The following KIAA1217 variants were observed in gnomAD, a reference collection of about 807,000 sequenced individuals.
The protein encoded by KIAA1217 is sickle tail protein homolog.
In KIAA1217, 88 loss-of-function variants were observed where a neutral mutation model predicts 163.9. The ratio of observed to expected loss-of-function variants is 0.54; its 90% CI spans 0.45 to 0.64. The LOEUF is 0.64. Ranked by LOEUF, KIAA1217 falls within the 30% of genes least tolerant of loss-of-function variation. The probability of loss-of-function intolerance (pLI) is 0.00; values close to 1 mark genes in which losing one functional copy is unlikely to be tolerated. For synonymous variants in KIAA1217, 903 were observed against 923.1 expected (o/e 0.98, Z 0.39); for missense variants, 2,372 against 2,475.0 (o/e 0.96, Z 0.88).
intron 2 of KIAA1217, among the ~76,000 whole-genome samples, chr10:24,194,460 T>C (rs1395489605): frequency 1.3e-5 from 2 of 150,292 alleles, no homozygotes; most frequent in African/African-American, 4.9e-5. Flanking sequence ...TCACTGGGAC[T>C]ACGGACACTT....
intron 1 of KIAA1217, among the ~76,000 whole-genome samples, chr10:23,736,497 A>G (rs1838812147): frequency 6.6e-6 from 1 of 152,124 alleles, no homozygotes; most frequent in Non-Finnish European, 1.5e-5. Flanking sequence ...ATGGTAATTA[A>G]TCACTACACC....
At chr10:24,074,431 T>C (rs534237732) in intron 2 of KIAA1217, among the ~76,000 whole-genome samples, 19 of 152,278 alleles carry the variant, frequency 1.2e-4, no homozygotes, top group African/African-American at 4.3e-4. Flanking sequence ...GCAGACATTT[T>C]CATTTTCTGT....
intron 1 of KIAA1217, among the ~76,000 whole-genome samples, chr10:23,744,221 G>T (rs1173643941): frequency 6.6e-6 from 1 of 152,194 alleles, no homozygotes; most frequent in Non-Finnish European, 1.5e-5. Flanking sequence ...GAGCTACTAG[G>T]TAGCCTGTTG....
chr10:24,228,199 C>T (rs184084897), intron 2 of KIAA1217, among the ~76,000 whole-genome samples: 1 of 152,092 alleles, frequency 6.6e-6, no homozygotes, highest in East Asian at 1.9e-4. Context: ...GAGATCAAGG[C>T]TGCAGTGAGC....
At chr10:24,340,474 GTA>G (rs1228913523) in intron 2 of KIAA1217, among the ~76,000 whole-genome samples, 32 of 152,164 alleles carry the variant, frequency 2.1e-4, no homozygotes, top group African/African-American at 7.5e-4. Context: ...CCACTTGGAA[GTA>G]TGAGTCCATT....
intron 1 of KIAA1217, among the ~76,000 whole-genome samples, chr10:23,746,672 C>T (rs1177956226): frequency 2.6e-5 from 4 of 152,130 alleles, no homozygotes; most frequent in Non-Finnish European, 5.9e-5. Context: ...ATCCGCCCAC[C>T]TCAGCCTCCC....
intron 1 of KIAA1217, among the ~76,000 whole-genome samples, chr10:23,731,427 G>A (rs1838469162): frequency 6.6e-6 from 1 of 152,176 alleles, no homozygotes; most frequent in Non-Finnish European, 1.5e-5. Flanking sequence ...ACAAATACCT[G>A]TACTACCCAT....
chr10:23,798,018 T>TCAC (rs1441608583), intron 1 of KIAA1217, among the ~76,000 whole-genome samples: 2 of 152,196 alleles, frequency 1.3e-5, no homozygotes, highest in Non-Finnish European at 2.9e-5. Flanking sequence ...CTTTTTTTAG[T>TCAC]CACAAGTTCA....
intron 2 of KIAA1217, among the ~76,000 whole-genome samples, chr10:24,032,724 A>G (rs888233359): frequency 6.6e-6 from 1 of 152,180 alleles, no homozygotes; most frequent in South Asian, 2.1e-4. Flanking sequence ...CTAATTAGTC[A>G]TAAGAATAAC....
chr10:24,288,054 TTTGAAA>T (rs1481842684), intron 2 of KIAA1217, among the ~76,000 whole-genome samples: 1 of 152,166 alleles, frequency 6.6e-6, no homozygotes, highest in East Asian at 1.9e-4. Context: ...TTAGCCAGCC[TTTGAAA>T]TTATTTTCAT....
chr10:24,505,946 A>G (rs1415509733), intron 9 of KIAA1217, among the ~76,000 whole-genome samples: 1 of 151,984 alleles, frequency 6.6e-6, no homozygotes, highest in East Asian at 1.9e-4. Flanking sequence ...GGTCACGGGA[A>G]TGCGGATCCC....
chr10:24,425,857 G>A (rs1168310066), intron 3 of KIAA1217, among the ~76,000 whole-genome samples: 1 of 152,232 alleles, frequency 6.6e-6, no homozygotes, highest in Non-Finnish European at 1.5e-5. Context: ...ATATGTGGGA[G>A]TATCCATTTT....
intron 1 of KIAA1217, among the ~76,000 whole-genome samples, chr10:23,788,719 A>G (rs569361698): frequency 1.3e-5 from 2 of 152,342 alleles, no homozygotes; most frequent in South Asian, 4.1e-4. Context: ...TTACATGGCT[A>G]ATCACCATGA....
intron 5 of KIAA1217, among the ~76,000 whole-genome samples, chr10:24,455,806 G>A (rs147347285): frequency 6.6e-5 from 10 of 152,200 alleles, no homozygotes; most frequent in African/African-American, 4.8e-5. Context: ...GTAACACTAC[G>A]AAATGAATTG....
intron 1 of KIAA1217, among the ~76,000 whole-genome samples, chr10:23,802,945 T>G (rs1297364163): frequency 6.6e-6 from 1 of 152,148 alleles, no homozygotes; most frequent in African/African-American, 2.4e-5. Context: ...TTCGAAGATC[T>G]TTGCATGGGT....
intron 1 of KIAA1217, among the ~76,000 whole-genome samples, chr10:23,731,026 A>G (rs1004143905): frequency 6.6e-6 from 1 of 152,118 alleles, no homozygotes; most frequent in African/African-American, 2.4e-5. Context: ...TTCCAGTTCA[A>G]TGTTGAAAAG....
At chr10:24,203,249 G>T (rs566564912) in intron 2 of KIAA1217, among the ~76,000 whole-genome samples, 1 of 151,886 alleles carries the variant, frequency 6.6e-6, no homozygotes, top group East Asian at 1.9e-4. Context: ...TTTCCATCTA[G>T]CAAAATAATA....
At chr10:23,859,606 A>G (rs950296112) in intron 1 of KIAA1217, among the ~76,000 whole-genome samples, 1 of 152,376 alleles carries the variant, frequency 6.6e-6, no homozygotes, top group South Asian at 2.1e-4. Flanking sequence ...ATTCATCCAC[A>G]TGTAAACAGT....
chr10:23,930,956 T>C (rs531889007), intron 1 of KIAA1217, among the ~76,000 whole-genome samples: 2 of 152,284 alleles, frequency 1.3e-5, no homozygotes, highest in Admixed American at 6.5e-5. Context: ...TTCTAGTTCA[T>C]TGTCTTTTTT....
Sources: gnomAD v4.1 joint callset for allele counts (sites outside exome capture counted in the v4.1 genomes callset) on GRCh38, gnomAD v4.1.1 for gene constraint, MANE v1.5 for transcripts, NCBI Gene and HGNC (gene_info 2026-07-23, HGNC 2026-07-21) for gene names.